DAGLB: variants seen among roughly 807,000 people sequenced by gnomAD.
DAGLB encodes the protein diacylglycerol lipase-beta.
DAGLB carries 66 observed loss-of-function variants against 72.1 expected under a neutral mutation model. The observed-to-expected ratio is 0.92, with a 90% CI of 0.75 to 1.12. The LOEUF is 1.12. Among genes scored for constraint, DAGLB ranks in the 50% most tolerant of loss-of-function variants. DAGLB has a pLI of 0.00. For missense variants in DAGLB, 1,065 were observed against 884.9 expected (o/e 1.20, Z -2.58); for synonymous variants, 414 against 359.5 (o/e 1.15, Z -1.71).
At chr7:6,439,926 C>A (rs1472088629) in intron 2 of DAGLB, among the ~76,000 whole-genome samples, 1 of 151,674 alleles carries the variant, frequency 6.6e-6, no homozygotes, top group African/African-American at 2.4e-5. Flanking sequence ...GTGGTGGGCG[C>A]CTGTAATCCC....
chr7:6,422,151 A>G (rs1784148327), intron 8 of DAGLB: 1 of 375,794 alleles, frequency 2.7e-6, no homozygotes, highest in African/African-American at 2.1e-5. Flanking sequence ...CGTCCTCAGG[A>G]GCCCCGTAAC....
chr7:6,426,849 C>G (rs1288678974), intron 6 of DAGLB, among the ~76,000 whole-genome samples: 1 of 152,198 alleles, frequency 6.6e-6, no homozygotes, highest in Non-Finnish European at 1.5e-5. Flanking sequence ...TGGCTGATGC[C>G]TGTAATCCGG....
At chr7:6,423,433 T>G (rs2115260518) in intron 8 of DAGLB, among the ~76,000 whole-genome samples, 1 of 140,156 alleles carries the variant, frequency 7.1e-6, no homozygotes, top group East Asian at 1.9e-4. Flanking sequence ...ACGACGCCAC[T>G]GCTTCTTTTG....
intron 4 of DAGLB, among the ~76,000 whole-genome samples, chr7:6,433,450 G>C (rs1290558297): frequency 6.6e-6 from 1 of 152,082 alleles, no homozygotes; most frequent in Non-Finnish European, 1.5e-5. Context: ...AAGCAACAGA[G>C]AGTGAGTCTT....
chr7:6,413,132 C>T (rs1783787896), intron 11 of DAGLB, 98 bp from the exon 12 acceptor site: 1 of 1,269,968 alleles, frequency 7.9e-7, no homozygotes, highest in Non-Finnish European at 1.1e-6. Flanking sequence ...GTTAGGTTCC[C>T]AGGCCTCAGC....
At chr7:6,437,889 G>A (rs561453303) in intron 2 of DAGLB, among the ~76,000 whole-genome samples, 19 of 152,192 alleles carry the variant, frequency 1.2e-4, no homozygotes, top group Non-Finnish European at 2.6e-4. Flanking sequence ...TGATCTGCCC[G>A]CCTTTGCCTC....
At chr7:6,410,589 G>A (rs1163600269) in intron 13 of DAGLB, among the ~76,000 whole-genome samples, 2 of 152,204 alleles carry the variant, frequency 1.3e-5, no homozygotes, top group Non-Finnish European at 1.5e-5. Context: ...CACAGATCAT[G>A]AGTGTGGGCT....
chr7:6,433,124 G>C (rs1294504073), intron 4 of DAGLB, among the ~76,000 whole-genome samples, 165 bp from the exon 5 acceptor site: 1 of 152,232 alleles, frequency 6.6e-6, no homozygotes, highest in Non-Finnish European at 1.5e-5. Flanking sequence ...GCTTCTCTAT[G>C]TGACCTGAAT....
chr7:6,419,547 A>C (rs1251178386), intron 9 of DAGLB, among the ~76,000 whole-genome samples: 2 of 152,212 alleles, frequency 1.3e-5, no homozygotes, highest in Admixed American at 6.5e-5. Flanking sequence ...AGCCAAACTC[A>C]GCGTGATTTG....
intron 9 of DAGLB, among the ~76,000 whole-genome samples, chr7:6,419,212 G>A (rs1046887139): frequency 1.3e-5 from 2 of 151,802 alleles, no homozygotes; most frequent in Non-Finnish European, 2.9e-5. Context: ...AGTAGAGATG[G>A]GGTTTTACCG....
chr7:6,443,266 A>G (rs897593635), intron 2 of DAGLB, among the ~76,000 whole-genome samples: 3 of 145,834 alleles, frequency 2.1e-5, no homozygotes, highest in African/African-American at 2.5e-5. Context: ...AAAAAAAAAA[A>G]AAAAAAAGAA....
intron 13 of DAGLB, among the ~76,000 whole-genome samples, chr7:6,411,354 GC>G (rs1468079018): frequency 6.6e-6 from 1 of 151,686 alleles, no homozygotes; most frequent in Non-Finnish European, 1.5e-5. Context: ...CACAGCAGTG[GC>G]TCACACCTGT....
rs1165776577 is a variant in DAGLB at position 6,410,261 on chromosome 7, C to A, written c.1689G>T (p.Gln563His). Residue 563 changes from glutamine to histidine, a missense_variant, in exon 14 of 15, where the codon CAG becomes CAT. Gln to His is a conservative substitution (Grantham distance 24, BLOSUM62 0). Coordinates refer to ENST00000297056, the MANE Select transcript of DAGLB (RefSeq NM_139179.4). ...EVLTQPLLGE[Q>H]SLLTRWSPAY... ...CCGGGGACCAGCGCGTCAGTAGGCTCTGCTCCCCCAGAAGAGGCTGTGTCA... is the reference window on the plus strand; with the variant it reads ...CCGGGGACCAGCGCGTCAGTAGGCTATGCTCCCCCAGAAGAGGCTGTGTCA... The A allele has an allele frequency of 1.9e-6, 3 of 1,613,506 alleles. No homozygotes were observed. The highest frequency in any genetic ancestry group is 2.5e-6 in the Non-Finnish European group (3 of 1,179,814).
intron 7 of DAGLB, among the ~76,000 whole-genome samples, chr7:6,425,785 G>A (rs1335342563): frequency 6.6e-6 from 1 of 152,234 alleles, no homozygotes; most frequent in Non-Finnish European, 1.5e-5. Context: ...TCTATCTTAT[G>A]TGAAACCTGG....
intron 2 of DAGLB, among the ~76,000 whole-genome samples, chr7:6,444,059 G>A (rs979301963): frequency 6.6e-6 from 1 of 152,026 alleles, no homozygotes; most frequent in African/African-American, 2.4e-5. Flanking sequence ...CTGAGCCCAG[G>A]AGTTCAAGAT....
chr7:6,430,766 G>C (rs1048728828), intron 5 of DAGLB, among the ~76,000 whole-genome samples, 159 bp from the exon 6 acceptor site: 30 of 152,022 alleles, frequency 2.0e-4, no homozygotes, highest in African/African-American at 7.0e-4. Context: ...CCTTCAATAA[G>C]GATGACATGG....
chr7:6,421,996 G>C, intron 8 of DAGLB, 192 bp from the exon 9 acceptor site: 1 of 689,246 alleles, frequency 1.5e-6, no homozygotes, highest in Non-Finnish European at 2.6e-6. Context: ...CTGATGGCAC[G>C]ACCAGCTCTG....
At chr7:6,433,002 C>A in intron 4 of DAGLB, 43 bp from the exon 5 acceptor site, 3 of 1,597,972 alleles carry the variant, frequency 1.9e-6, no homozygotes, top group Non-Finnish European at 2.6e-6. Context: ...ACCCAGCAGG[C>A]ACCACCCCCG....
chr7:6,433,754 C>G (rs1268153454), intron 4 of DAGLB, among the ~76,000 whole-genome samples: 1 of 151,606 alleles, frequency 6.6e-6, no homozygotes, highest in African/African-American at 2.4e-5. Context: ...CTACTCAGTA[C>G]GCTGAGGCAG....
Sources: gnomAD v4.1 joint callset for allele counts (sites outside exome capture counted in the v4.1 genomes callset) on GRCh38, gnomAD v4.1.1 for gene constraint, MANE v1.5 for transcripts, NCBI Gene and HGNC (gene_info 2026-07-23, HGNC 2026-07-21) for gene names.